HEPACAM2: variants seen among roughly 807,000 people sequenced by gnomAD.
HEPACAM2 encodes the protein HEPACAM family member 2, also known as mitotic kinetics regulator.
In HEPACAM2, 49 loss-of-function variants were observed where a neutral mutation model predicts 49.6. The observed-to-expected ratio is 0.99, with a 90% confidence interval of 0.78 to 1.25. The LOEUF (loss-of-function observed/expected upper bound fraction) is 1.25. Ranked by LOEUF, HEPACAM2 falls within the 50% of genes most tolerant of loss-of-function variation. The pLI is 0.00. For synonymous variants in HEPACAM2, 197 were observed against 202.9 expected (o/e 0.97, Z 0.25); for missense variants, 525 against 557.2 (o/e 0.94, Z 0.58).
rs67856013 is a variant in HEPACAM2, at chr7:93,204,324, CTCTATCTATCTA to C, written c.1012+4244_1012+4255del. On this transcript the variant is annotated intron_variant, in intron 4 of 9. Transcript: ENST00000394468. Reference sequence around the variant, plus strand: ...AGATGATTACATTTCCATAAACATTCTCTATCTATCTATCTATCTATCTATCTATCTATCTAT... The same window carrying C: ...AGATGATTACATTTCCATAAACATTCTCTATCTATCTATCTATCTATCTAT... 8.1e-3 allele frequency among the ~76,000 whole-genome samples: 1,196 copies of C among 147,648 alleles called. 10 individuals carry two copies. The highest frequency in any genetic ancestry group is 0.019 in the African/African-American group (751 of 39,948).
At chr7:93,211,399 C>T (rs1794174199) in intron 3 of HEPACAM2, among the ~76,000 whole-genome samples, 1 of 152,000 alleles carries the variant, frequency 6.6e-6, no homozygotes, top group Non-Finnish European at 1.5e-5. Flanking sequence ...TCATTTCAGG[C>T]TGTGACACAG....
At chr7:93,223,274 C>G (rs1794484261) in intron 1 of HEPACAM2, among the ~76,000 whole-genome samples, 1 of 152,084 alleles carries the variant, frequency 6.6e-6, no homozygotes, top group Non-Finnish European at 1.5e-5. Context: ...TTGGGAGGCA[C>G]TATATTACTA....
chr7:93,208,012 C>CGGG (rs1794073770), intron 4 of HEPACAM2, among the ~76,000 whole-genome samples: 1 of 151,986 alleles, frequency 6.6e-6, no homozygotes, highest in African/African-American at 2.4e-5. Context: ...GGGTTGATGA[C>CGGG]ATTTCTGAAA....
At chr7:93,218,743 C>T (rs1476462940) in intron 2 of HEPACAM2, among the ~76,000 whole-genome samples, 1 of 152,026 alleles carries the variant, frequency 6.6e-6, no homozygotes, top group Non-Finnish European at 1.5e-5. Flanking sequence ...ATCTTCATGA[C>T]AAAAATAGGA....
intron 9 of HEPACAM2, among the ~76,000 whole-genome samples, chr7:93,190,774 T>C (rs1793523067): frequency 6.6e-6 from 1 of 152,034 alleles, no homozygotes; most frequent in Admixed American, 6.6e-5. Context: ...AAGGGTGTTT[T>C]TTTTTTAAGA....
rs559361676 is a variant in HEPACAM2, at chr7:93,196,028, T to C, written c.1202-127A>G. 423 of 653,992 alleles carry C rather than the reference T, an allele frequency of 6.5e-4. 1 individual carries two copies. Among genetic ancestry groups the C allele is most frequent in the South Asian group, 9.1e-4 (48 of 52,916 alleles). The allele number at this position is 653,992 out of a possible 1,614,324, so 40.5% of individuals were successfully genotyped here. A position where few individuals can be genotyped will look rare whatever the true frequency, so the allele number is the denominator to read the frequency against. On this transcript the variant is annotated intron_variant, in intron 7 of 9. Transcript: ENST00000394468. ...ATAGGTACAAAATGAATTTAACATT[T>C]CCTAATTCCTATAGTCGTATTGCCA...
At chr7:93,201,931 A>C (rs746482601) in intron 4 of HEPACAM2, among the ~76,000 whole-genome samples, 3 of 151,758 alleles carry the variant, frequency 2.0e-5, no homozygotes, top group African/African-American at 4.8e-5. Flanking sequence ...CTAAGACATA[A>C]ATTTAGAAGG....
Position 93,192,268 on chromosome 7 carries a change from C to T in HEPACAM2, c.1371G>A (p.Gln457=). Reference sequence around the variant, plus strand: ...TTCGTACTTACTCTGGATGGTCTTGCTGCTGGGCAGGGATGTGCTGAATAA... The same window carrying T: ...TTCGTACTTACTCTGGATGGTCTTGTTGCTGGGCAGGGATGTGCTGAATAA... ...YEVIQHIPAQ[Q]QDHPE The change falls in exon 9 of 10, where the codon CAG becomes CAA. Residue 457 remains glutamine, a synonymous_variant. Transcript: ENST00000394468. 1 of 1,611,608 alleles carries T rather than the reference C, an allele frequency of 6.2e-7. No individual in the cohort carries two copies. The highest frequency in any genetic ancestry group is 8.5e-7 in the Non-Finnish European group (1 of 1,178,188).
At chr7:93,216,456 C>T (rs1164173672) in intron 2 of HEPACAM2, among the ~76,000 whole-genome samples, 1 of 152,184 alleles carries the variant, frequency 6.6e-6, no homozygotes, top group African/African-American at 2.4e-5. Context: ...ATCTGCCACA[C>T]AGTAGGCTCT....
chr7:93,215,616 G>A lies in HEPACAM2; in HGVS notation c.500C>T (p.Thr167Ile). The change falls in exon 3 of 10, where the codon ACC (threonine) becomes ATC (isoleucine). Residue 167 changes from threonine to isoleucine, a missense_variant. By Grantham distance (89) the Thr-to-Ile change is moderately conservative. Coordinates refer to ENST00000394468, the MANE Select transcript of HEPACAM2 (RefSeq NM_001039372.4). Reference protein sequence around the residue: ...SGAVEYVGNMTLTCHVEGGTR... With the variant: ...SGAVEYVGNMILTCHVEGGTR... Reference sequence around the variant, plus strand: ...GCCCCCTTCCACATGGCATGTCAGGGTCATGTTCCCCACATACTCCACAGC... The same window carrying A: ...GCCCCCTTCCACATGGCATGTCAGGATCATGTTCCCCACATACTCCACAGC... 6.2e-7 allele frequency: 1 copy of A among 1,613,700 alleles called. No homozygotes were observed. The highest frequency in any genetic ancestry group is 8.5e-7 in the Non-Finnish European group (1 of 1,179,816).
At chr7:93,210,952 TGCCATTAAAAGTAA>T (rs1794164801) in intron 3 of HEPACAM2, among the ~76,000 whole-genome samples, 1 of 151,994 alleles carries the variant, frequency 6.6e-6, no homozygotes, top group Admixed American at 6.6e-5. Flanking sequence ...ATTCTTGCCA[TGCCATTAAAAGTAA>T]AGGCAAAAAC....
At chr7:93,203,458 G>T (rs1562825367) in intron 4 of HEPACAM2, among the ~76,000 whole-genome samples, 1 of 152,078 alleles carries the variant, frequency 6.6e-6, no homozygotes, top group Non-Finnish European at 1.5e-5. Context: ...TGACCCTATT[G>T]CCATAGAGAA....
At chr7:93,217,945 G>T (rs546141521) in intron 2 of HEPACAM2, among the ~76,000 whole-genome samples, 55 of 151,270 alleles carry the variant, frequency 3.6e-4, no homozygotes, top group African/African-American at 1.2e-3. Context: ...TTTATATAGG[G>T]TGGTCAGTAA....
upstream of HEPACAM2, among the ~76,000 whole-genome samples, chr7:93,229,168 T>C (rs1413329197): frequency 2.0e-5 from 3 of 152,190 alleles, no homozygotes; most frequent in African/African-American, 7.2e-5. Flanking sequence ...TTTCTTATTG[T>C]TGTAATTAGT....
chr7:93,225,972 A>C, intron 1 of HEPACAM2: 1 of 1,153,566 alleles, frequency 8.7e-7, no homozygotes, highest in South Asian at 1.6e-5. Context: ...AAAGAAAACA[A>C]TTTTCGTAAA....
intron 4 of HEPACAM2, among the ~76,000 whole-genome samples, chr7:93,203,187 G>A (rs777388767): frequency 2.2e-4 from 33 of 152,148 alleles, no homozygotes; most frequent in Middle Eastern, 3.4e-3. Flanking sequence ...TCCTTTTCTC[G>A]GAAGAAATGA....
intron 8 of HEPACAM2, among the ~76,000 whole-genome samples, chr7:93,193,061 C>T (rs78813065): frequency 1.1e-3 from 172 of 152,084 alleles, no homozygotes; most frequent in African/African-American, 3.8e-3. Context: ...ATTATTTAGC[C>T]GAAGTCTAGT....
At chr7:93,202,806 T>C (rs1262249069) in intron 4 of HEPACAM2, among the ~76,000 whole-genome samples, 1 of 152,180 alleles carries the variant, frequency 6.6e-6, no homozygotes, top group Non-Finnish European at 1.5e-5. Context: ...GCATCAGCTC[T>C]CTGCCAGACA....
chr7:93,206,582 G>A (rs2116675466), intron 4 of HEPACAM2, among the ~76,000 whole-genome samples: 1 of 152,058 alleles, frequency 6.6e-6, no homozygotes. Flanking sequence ...GTCTGACATG[G>A]TAACCACTAA....
Sources: gnomAD v4.1 joint callset for allele counts (sites outside exome capture counted in the v4.1 genomes callset) on GRCh38, gnomAD v4.1.1 for gene constraint, MANE v1.5 for transcripts, NCBI Gene and HGNC (gene_info 2026-07-23, HGNC 2026-07-21) for gene names.